Variants in GSE1 observed in about 807,000 individuals in gnomAD.
GSE1 encodes the protein Gse1 coiled-coil protein, also known as genetic suppressor element 1.
In GSE1, 32 loss-of-function variants were observed where a neutral mutation model predicts 112.6. The observed-to-expected ratio is 0.28, with a 90% CI of 0.21 to 0.38. The LOEUF (loss-of-function observed/expected upper bound fraction) is 0.38. GSE1 is among the 10% of genes least tolerant of loss of function. GSE1 has a pLI of 1.00. For synonymous variants in GSE1, 1,115 were observed against 735.6 expected, an observed-to-expected ratio of 1.52 and a Z score of -8.35; for missense variants, 2,348 against 1,699.2, an observed-to-expected ratio of 1.38 and a Z score of -6.71.
chr16:85,230,008 C>G (rs2075554764), intron 1 of GSE1, among the ~76,000 whole-genome samples: 1 of 152,206 alleles, frequency 6.6e-6, no homozygotes, highest in Admixed American at 6.5e-5. Context: ...TGAAAGGGCT[C>G]TGGGAACGTT....
chr16:85,616,558 C>T lies in GSE1; in HGVS notation c.7+3160C>T, dbSNP rs572633989. Among the ~76,000 whole-genome samples, 45 of 152,344 alleles carry T rather than the reference C, an allele frequency of 3.0e-4. 2 individuals are homozygous for T. The highest frequency in any genetic ancestry group is 1.1e-3 in the African/African-American group (45 of 41,572). On this transcript the variant is annotated intron_variant, in intron 1 of 15. Transcript: ENST00000253458. Reference sequence around the variant, plus strand: ...TCTCTGTTGTGGCAACAGCAGGGTCCTCTGAAACCACAGGGCTTCCCCTCC... The same window carrying T: ...TCTCTGTTGTGGCAACAGCAGGGTCTTCTGAAACCACAGGGCTTCCCCTCC...
intron 1 of GSE1, among the ~76,000 whole-genome samples, chr16:85,326,561 C>G (rs1013996508): frequency 6.6e-6 from 1 of 152,376 alleles, no homozygotes; most frequent in South Asian, 2.1e-4. Context: ...CTCACTGTCT[C>G]TCCTGTCGCC....
At position 85,247,223 on chromosome 16, in the gene GSE1, G is replaced by T. The variant is rs530875601; in HGVS notation, c.2283+75416G>T. Among the ~76,000 whole-genome samples, 3 of 152,298 alleles carry T rather than the reference G, an allele frequency of 2.0e-5. No individual in the cohort carries two copies. The East Asian group carries it at 5.8e-4, about 29-fold the overall frequency. On this transcript the variant is annotated intron_variant, in intron 1 of 2. Coordinates refer to the GSE1 transcript ENST00000637419. Reference sequence around the variant, plus strand: ...CGGGCTGGATGCTCTGAATGGGAGGGTGTGTGTCTCCCTGTCCATGCTCTG... The same window carrying T: ...CGGGCTGGATGCTCTGAATGGGAGGTTGTGTGTCTCCCTGTCCATGCTCTG...
At chr16:85,401,577 A>C (rs1452141305) in intron 2 of GSE1, among the ~76,000 whole-genome samples, 1 of 152,052 alleles carries the variant, frequency 6.6e-6, no homozygotes, top group African/African-American at 2.4e-5. Context: ...GGGGACTTCT[A>C]CCTGTGGGGC....
At chr16:85,227,492 G>A (rs2075509105) in intron 1 of GSE1, among the ~76,000 whole-genome samples, 2 of 152,238 alleles carry the variant, frequency 1.3e-5, no homozygotes, top group South Asian at 4.1e-4. Flanking sequence ...AGAGATAAAG[G>A]GCGATCCAGG....
At chr16:85,379,903 C>T (rs1429771289) in intron 2 of GSE1, among the ~76,000 whole-genome samples, 1 of 152,200 alleles carries the variant, frequency 6.6e-6, no homozygotes, top group African/African-American at 2.4e-5. Flanking sequence ...ATTAGCTGGC[C>T]CCTTGGCCTG....
At chr16:85,629,230 C>T (rs894710168) in intron 1 of GSE1, among the ~76,000 whole-genome samples, 1 of 152,224 alleles carries the variant, frequency 6.6e-6, no homozygotes, top group Admixed American at 6.5e-5. Flanking sequence ...AATTACACAG[C>T]CTCGGGTATT....
At chr16:85,585,671 C>T (rs2046658721) in intron 1 of GSE1, among the ~76,000 whole-genome samples, 1 of 152,244 alleles carries the variant, frequency 6.6e-6, no homozygotes. Context: ...TTCTGGAACT[C>T]TTCCTGCATG....
intron 2 of GSE1, among the ~76,000 whole-genome samples, chr16:85,523,881 G>T (rs868539026): frequency 2.8e-4 from 43 of 152,368 alleles, no homozygotes; most frequent in Admixed American, 1.6e-3. Context: ...GGGAGGCGGG[G>T]TCAACAGGCC....
chr16:85,266,415 G>T (rs1349412493), intron 1 of GSE1, among the ~76,000 whole-genome samples: 1 of 152,194 alleles, frequency 6.6e-6, no homozygotes, highest in Non-Finnish European at 1.5e-5. Flanking sequence ...CCCTCTAACT[G>T]GACAGGGATG....
At chr16:85,171,080 C>T in exon 1 of GSE1, 2 of 985,720 alleles carry the variant, frequency 2.0e-6, no homozygotes, top group East Asian at 1.1e-4. Context: ...CTGCCCTGCC[C>T]GCCCAACGCC....
At chr16:85,614,401 C>A (rs1270508194) in intron 1 of GSE1, among the ~76,000 whole-genome samples, 4 of 152,148 alleles carry the variant, frequency 2.6e-5, no homozygotes, top group Non-Finnish European at 5.9e-5. Flanking sequence ...CCTCCCTGCG[C>A]CCGCCCACCC....
chr16:85,478,816 C>T (rs1293073729), intron 2 of GSE1, among the ~76,000 whole-genome samples: 4 of 150,488 alleles, frequency 2.7e-5, no homozygotes, highest in Admixed American at 1.3e-4. Flanking sequence ...TACAACCATG[C>T]ACCACCATGC....
intron 2 of GSE1, among the ~76,000 whole-genome samples, chr16:85,544,224 C>T (rs1327508319): frequency 2.6e-5 from 4 of 152,168 alleles, no homozygotes; most frequent in Non-Finnish European, 4.4e-5. Flanking sequence ...CTGCAATGCA[C>T]GGGACAGTCC....
chr16:85,632,036 C>T (rs888193726), intron 1 of GSE1, among the ~76,000 whole-genome samples: 3 of 152,216 alleles, frequency 2.0e-5, no homozygotes, highest in Non-Finnish European at 2.9e-5. Context: ...ATTGGCAGCC[C>T]GCATTTTCTG....
intron 1 of GSE1, among the ~76,000 whole-genome samples, chr16:85,286,593 C>T (rs1252376991): frequency 1.3e-5 from 2 of 152,124 alleles, no homozygotes; most frequent in African/African-American, 4.8e-5. Context: ...GTGGGCCGGT[C>T]GGAGCTGCAA....
chr16:85,652,681 T>G (rs1023190953), intron 3 of GSE1, among the ~76,000 whole-genome samples: 5 of 152,102 alleles, frequency 3.3e-5, no homozygotes, highest in Non-Finnish European at 7.4e-5. Flanking sequence ...CGGGTCACCG[T>G]CTGCCGCTAT....
chr16:85,573,102 G>T (rs2046076334), intron 1 of GSE1, among the ~76,000 whole-genome samples: 1 of 152,192 alleles, frequency 6.6e-6, no homozygotes, highest in African/African-American at 2.4e-5. Flanking sequence ...GACCTCAGGT[G>T]ATCCGCCCGC....
chr16:85,651,307 C>A (rs1023385731), intron 3 of GSE1, among the ~76,000 whole-genome samples: 7 of 152,042 alleles, frequency 4.6e-5, no homozygotes, highest in Non-Finnish European at 1.0e-4. Context: ...TGACCTAGTT[C>A]CCAGGTGTCT....
Sources: gnomAD v4.1 joint callset for allele counts (sites outside exome capture counted in the v4.1 genomes callset) on GRCh38, gnomAD v4.1.1 for gene constraint, MANE v1.5 for transcripts, NCBI Gene and HGNC (gene_info 2026-07-23, HGNC 2026-07-21) for gene names.